Variants in HIBADH observed in about 807,000 individuals in gnomAD.
HIBADH encodes the protein 3-hydroxyisobutyrate dehydrogenase, mitochondrial.
A neutral mutation model predicts 36.1 loss-of-function variants in HIBADH; 25 were observed. The observed-to-expected ratio is 0.69, with a 90% CI of 0.50 to 0.97. The LOEUF is 0.97. Ranked by LOEUF, HIBADH falls within the 50% of genes least tolerant of loss-of-function variation. The pLI is 0.00. For missense variants in HIBADH, 421 were observed against 418.0 expected (o/e 1.01, Z -0.06); for synonymous variants, 160 against 149.5 (o/e 1.07, Z -0.51).
At chr7:27,580,875 G>A (rs914966046) in intron 4 of HIBADH, among the ~76,000 whole-genome samples, 1 of 152,126 alleles carries the variant, frequency 6.6e-6, no homozygotes, top group African/African-American at 2.4e-5. Context: ...AAGTAGAAAG[G>A]CTGACTTCAG....
intron 4 of HIBADH, among the ~76,000 whole-genome samples, chr7:27,613,167 TTATATAAATATATTTATATAAATATA>T (rs1415192944): frequency 1.0e-3 from 9 of 8,920 alleles, no homozygotes; most frequent in South Asian, 7.5e-3. Flanking sequence ...ATATATATAT[TTATATAAATATATTTATATAAATATA>T]TATATTTATA....
chr7:27,635,617 T>C (rs1397779211), intron 2 of HIBADH, among the ~76,000 whole-genome samples: 1 of 152,220 alleles, frequency 6.6e-6, no homozygotes, highest in Non-Finnish European at 1.5e-5. Flanking sequence ...TCTAAGAAGG[T>C]ATGGTTCCCA....
intron 4 of HIBADH, among the ~76,000 whole-genome samples, chr7:27,579,202 T>A (rs990863685): frequency 2.6e-5 from 4 of 152,210 alleles, no homozygotes; most frequent in Admixed American, 2.0e-4. Flanking sequence ...AAGTCAAATT[T>A]CTTGGGTGTG....
At chr7:27,597,488 T>C (rs2128289792) in intron 4 of HIBADH, among the ~76,000 whole-genome samples, 1 of 151,406 alleles carries the variant, frequency 6.6e-6, no homozygotes, top group African/African-American at 2.4e-5. Context: ...TCAATAATCC[T>C]GTATTTTCAG....
intron 4 of HIBADH, among the ~76,000 whole-genome samples, chr7:27,606,139 T>A (rs1323294221): frequency 6.6e-6 from 1 of 152,180 alleles, no homozygotes; most frequent in African/African-American, 2.4e-5. Flanking sequence ...TACCAAAGAT[T>A]TACTTTTTAA....
rs1348997383 is a variant in HIBADH at position 27,649,711 on chromosome 7, AT to A, written c.92-79del. Reference sequence around the variant, plus strand: ...ACATTCATTTAATATTAGCAAGTCAATTGTTAGATTTTTTTTTTTTAATAAA... The same window carrying A: ...ACATTCATTTAATATTAGCAAGTCAATGTTAGATTTTTTTTTTTTAATAAA... On this transcript the variant is annotated intron_variant, in intron 1 of 7. Transcript: ENST00000265395. 4.5e-6 allele frequency: 6 copies of A among 1,336,252 alleles called. No individual in the cohort carries two copies. The Middle Eastern group carries it at 5.7e-4, about 126-fold the overall frequency. 82.8% of individuals were successfully genotyped at this position (1,336,252 alleles called of 1,614,324 possible).
chr7:27,573,139 T>G (rs1243681294), intron 4 of HIBADH, among the ~76,000 whole-genome samples: 1 of 152,180 alleles, frequency 6.6e-6, no homozygotes, highest in East Asian at 1.9e-4. Flanking sequence ...AAATTGTAAG[T>G]AGCTGAATTT....
chr7:27,614,047 G>A (rs1785382322), intron 4 of HIBADH, among the ~76,000 whole-genome samples: 1 of 152,180 alleles, frequency 6.6e-6, no homozygotes, highest in African/African-American at 2.4e-5. Context: ...GAGATGGGAT[G>A]AGGACTGTTT....
At chr7:27,582,678 AG>A (rs1784810403) in intron 4 of HIBADH, among the ~76,000 whole-genome samples, 2 of 152,114 alleles carry the variant, frequency 1.3e-5, no homozygotes, top group Non-Finnish European at 2.9e-5. Context: ...GACTTTATCC[AG>A]GCTTCTCCCC....
At chr7:27,587,398 C>A (rs1160960159) in intron 4 of HIBADH, among the ~76,000 whole-genome samples, 2 of 152,034 alleles carry the variant, frequency 1.3e-5, no homozygotes, top group African/African-American at 4.8e-5. Flanking sequence ...AAATTTAAAT[C>A]TTAATGACCG....
intron 4 of HIBADH, among the ~76,000 whole-genome samples, chr7:27,605,574 T>A (rs976657354): frequency 1.8e-5 from 2 of 112,304 alleles, no homozygotes; most frequent in Non-Finnish European, 3.4e-5. Flanking sequence ...CCCTCTCCAG[T>A]GTTTAGACAA....
chr7:27,616,379 C>A (rs1179934769), intron 4 of HIBADH, among the ~76,000 whole-genome samples: 4 of 152,170 alleles, frequency 2.6e-5, no homozygotes, highest in African/African-American at 7.2e-5. Flanking sequence ...ATCCAAACCA[C>A]ACAGCACAGT....
chr7:27,591,550 CAAAA>C (rs11356347), intron 4 of HIBADH, among the ~76,000 whole-genome samples: 1 of 142,032 alleles, frequency 7.0e-6, no homozygotes, highest in Non-Finnish European at 1.5e-5. Context: ...GACTCCGTCT[CAAAA>C]AAAAAAAAAA....
chr7:27,662,330 G>C (rs1474704774), intron 1 of HIBADH, among the ~76,000 whole-genome samples: 1 of 152,132 alleles, frequency 6.6e-6, no homozygotes, highest in East Asian at 1.9e-4. Context: ...GCTGGGGTGA[G>C]TGCGGGTTGC....
At chr7:27,652,439 C>G (rs191595312) in intron 1 of HIBADH, among the ~76,000 whole-genome samples, 13 of 152,178 alleles carry the variant, frequency 8.5e-5, no homozygotes, top group African/African-American at 3.1e-4. Context: ...ACTTTAGGAA[C>G]AGAAATGAGG....
At chr7:27,639,166 T>C (rs1164005235) in intron 2 of HIBADH, among the ~76,000 whole-genome samples, 1 of 152,086 alleles carries the variant, frequency 6.6e-6, no homozygotes, top group African/African-American at 2.4e-5. Flanking sequence ...CTATTCACAA[T>C]AGCAAAGACA....
At chr7:27,539,334 T>C (rs1399204986) in intron 5 of HIBADH, among the ~76,000 whole-genome samples, 1 of 152,156 alleles carries the variant, frequency 6.6e-6, no homozygotes, top group East Asian at 1.9e-4. Context: ...TGAGAGTAAC[T>C]TGAAGTAATA....
intron 4 of HIBADH, among the ~76,000 whole-genome samples, chr7:27,552,066 G>A (rs1300735645): frequency 3.3e-5 from 5 of 152,180 alleles, no homozygotes; most frequent in Admixed American, 6.6e-5. Flanking sequence ...ATATAATCCC[G>A]TGAAAGTAAT....
chr7:27,547,560 G>C (rs2128185011), intron 4 of HIBADH, among the ~76,000 whole-genome samples: 1 of 152,160 alleles, frequency 6.6e-6, no homozygotes, highest in Non-Finnish European at 1.5e-5. Flanking sequence ...AAGTCTCAAG[G>C]AAACAGACAA....
Sources: gnomAD v4.1 joint callset for allele counts (sites outside exome capture counted in the v4.1 genomes callset) on GRCh38, gnomAD v4.1.1 for gene constraint, MANE v1.5 for transcripts, NCBI Gene and HGNC (gene_info 2026-07-23, HGNC 2026-07-21) for gene names.